Variants in MAP3K2 observed in about 807,000 individuals in gnomAD.
The protein encoded by MAP3K2 is mitogen-activated protein kinase kinase kinase 2.
In MAP3K2, 24 loss-of-function variants were observed where a neutral mutation model predicts 80.3. The ratio of observed to expected loss-of-function variants is 0.30; its 90% CI spans 0.22 to 0.42. MAP3K2 has a LOEUF of 0.42. Ranked by LOEUF, MAP3K2 falls within the 10% of genes least tolerant of loss-of-function variation. MAP3K2 has a pLI of 1.00. For missense variants in MAP3K2, 608 were observed against 750.1 expected (o/e 0.81, Z 2.21); for synonymous variants, 244 against 253.7 (o/e 0.96, Z 0.36).
At chr2:127,350,493 C>G (rs1686674097) in intron 1 of MAP3K2, among the ~76,000 whole-genome samples, 2 of 147,890 alleles carry the variant, frequency 1.4e-5, no homozygotes, top group Non-Finnish European at 1.5e-5. Flanking sequence ...ACCATGAGTC[C>G]ATAAAAACAA....
intron 13 of MAP3K2, 71 bp from the exon 14 acceptor site, chr2:127,317,831 C>A: frequency 7.3e-7 from 1 of 1,374,648 alleles, no homozygotes; most frequent in Non-Finnish European, 9.9e-7. Context: ...CTTCATGGAC[C>A]ATCAAGGTGA....
At chr2:127,346,409 TTAAAAAA>T (rs1336090129) in intron 1 of MAP3K2, among the ~76,000 whole-genome samples, 1 of 85,312 alleles carries the variant, frequency 1.2e-5, no homozygotes, top group South Asian at 4.6e-4. Context: ...AAAACTGGTT[TTAAAAAA>T]AAAAAAAAAA....
intron 1 of MAP3K2, among the ~76,000 whole-genome samples, chr2:127,384,811 C>T (rs1305178156): frequency 6.6e-6 from 1 of 152,008 alleles, no homozygotes; most frequent in Admixed American, 6.6e-5. Context: ...CGGCTAACCT[C>T]TATATTTTTT....
intron 1 of MAP3K2, among the ~76,000 whole-genome samples, chr2:127,382,360 G>A (rs1208944530): frequency 6.6e-6 from 1 of 151,944 alleles, no homozygotes; most frequent in Non-Finnish European, 1.5e-5. Context: ...TCATTTTATT[G>A]AGCTTCATTT....
At position 127,367,654 on chromosome 2, in the gene MAP3K2, G is replaced by A. The variant is rs376080687; in HGVS notation, c.-66+19798C>T. ...CTAAAAATGCAAAAATTAGCCAGGC[G>A]TGGTGGCACATGCCTGTAATCCCAG... On this transcript the variant is annotated intron_variant, in intron 1 of 16. Transcript: ENST00000682094. Among the ~76,000 whole-genome samples the A allele has an allele frequency of 2.0e-3, 300 of 152,178 alleles. 2 individuals carry two copies. Among genetic ancestry groups the A allele is most frequent in the African/African-American group, 7.1e-3 (293 of 41,522 alleles).
At chr2:127,388,174 C>T (rs1043701993), upstream of MAP3K2, 22 of 984,856 alleles carry the variant, frequency 2.2e-5, no homozygotes, top group African/African-American at 3.5e-5. Context: ...CCTGGCTCCG[C>T]CCCGGCCTCG....
In MAP3K2 at chr2:127,371,482, A is replaced by G. The variant is rs554742640; in HGVS notation, c.-66+15970T>C. Among the ~76,000 whole-genome samples, 16 of 152,330 alleles carry G rather than the reference A, an allele frequency of 1.1e-4. No homozygotes were observed. The South Asian group carries it at 3.3e-3, about 32-fold the overall frequency. On this transcript the variant is annotated intron_variant, in intron 1 of 16. Coordinates refer to ENST00000682094, the MANE Select transcript of MAP3K2 (RefSeq NM_001371910.2). ...TCAGGAGCCATTTGTTGAATTTATC[A>G]ATCGTTTAACCCAGGCAATTAAGAG...
chr2:127,344,142 C>A, intron 1 of MAP3K2, among the ~76,000 whole-genome samples: 1 of 152,144 alleles, frequency 6.6e-6, no homozygotes, highest in Non-Finnish European at 1.5e-5. Context: ...CAACATGACA[C>A]TATGAATGGA....
At chr2:127,376,172 G>A (rs920339478) in intron 1 of MAP3K2, among the ~76,000 whole-genome samples, 19 of 152,172 alleles carry the variant, frequency 1.2e-4, no homozygotes, top group African/African-American at 4.6e-4. Flanking sequence ...AAAAGATTTG[G>A]CTGAAGGCAG....
rs1685838939 is a variant in MAP3K2 at position 127,313,092 on chromosome 2, C to G, written c.1456+1662G>C. 3.3e-5 allele frequency among the ~76,000 whole-genome samples: 5 copies of G among 152,140 alleles called. No individual in the cohort carries two copies. In the South Asian group the frequency reaches 1.0e-3, roughly 32 times the overall value. On this transcript the variant is annotated intron_variant, in intron 15 of 16. Transcript: ENST00000682094. The stretch of plus-strand genomic sequence containing the variant: ...ACAAACTTAAGATCATATTGCACAT[C>G]CAATTTTATATTTTACATTTATTCT...
In MAP3K2 at chr2:127,304,274, T is replaced by C. The variant is rs1415790523; in HGVS notation, c.*3305A>G. The C allele has an allele frequency of 6.6e-6, 1 of 152,178 alleles. No homozygotes were observed. The highest frequency in any genetic ancestry group is 1.5e-5 in the Non-Finnish European group (1 of 68,014). 9.4% of individuals were successfully genotyped at this position (152,178 alleles called of 1,614,324 possible). A position where few individuals can be genotyped will look rare whatever the true frequency, so the allele number is the denominator to read the frequency against. ...AAGATATTCATACTGAAATTTTCAGTCTGTATACTTTCAAATACATTTTAA... is the reference window on the plus strand; with the variant it reads ...AAGATATTCATACTGAAATTTTCAGCCTGTATACTTTCAAATACATTTTAA... On this transcript the variant is annotated 3_prime_UTR_variant, in exon 17 of 17. Coordinates refer to ENST00000682094, the MANE Select transcript of MAP3K2 (RefSeq NM_001371910.2).
Position 127,364,298 on chromosome 2 carries a change from CAA to C in MAP3K2, c.-65-21106_-65-21105del, listed in dbSNP as rs1686935941. Among the ~76,000 whole-genome samples, 1 of 152,100 alleles carries C rather than the reference CAA, an allele frequency of 6.6e-6. No homozygotes were observed. Among genetic ancestry groups the C allele is most frequent in the Admixed American group, 6.6e-5 (1 of 15,260 alleles). ...GAAGCAAATAGATAATCAAAAAAAGCAAAGAGTAGGAGTCAATAGGTTCTGAG... is the reference window on the plus strand; with the variant it reads ...GAAGCAAATAGATAATCAAAAAAAGCAGAGTAGGAGTCAATAGGTTCTGAG... On this transcript the variant is annotated intron_variant, in intron 1 of 16. Transcript: ENST00000682094. The surrounding 1 kb of genome is among the most constrained non-coding windows in gnomAD (Gnocchi z 4.1).
In MAP3K2 at chr2:127,387,538, T is replaced by G. The variant is rs1317477726; in HGVS notation, c.-152A>C. On this transcript the variant is annotated 5_prime_UTR_variant, in exon 1 of 17. Transcript: ENST00000682094. Reference sequence around the variant, plus strand: ...CGCCCCTCCGCCCCAGCGCGGCCTGTCACCGCGGCCCCAGGTCGGGGGCTG... The same window carrying G: ...CGCCCCTCCGCCCCAGCGCGGCCTGGCACCGCGGCCCCAGGTCGGGGGCTG... 1 of 984,658 alleles carries G rather than the reference T, an allele frequency of 1.0e-6. No individual in the cohort carries two copies. The highest frequency in any genetic ancestry group is 1.2e-6 in the Non-Finnish European group (1 of 829,678). The allele number at this position is 984,658 out of a possible 1,614,324, so 61.0% of individuals were successfully genotyped here.
rs927879153 is a variant in MAP3K2 at position 127,387,520 on chromosome 2, C to CCGCCCCAG, written c.-142_-135dup. 1 of 984,952 alleles carries CCGCCCCAG rather than the reference C, an allele frequency of 1.0e-6. No homozygotes were observed. The highest frequency in any genetic ancestry group is 1.7e-5 in the African/African-American group (1 of 57,186). 61.0% of individuals were successfully genotyped at this position (984,952 alleles called of 1,614,324 possible). A position where few individuals can be genotyped will look rare whatever the true frequency, so the allele number is the denominator to read the frequency against. On this transcript the variant is annotated 5_prime_UTR_variant, in exon 1 of 17. Transcript: ENST00000682094. ...GGCCGCCCCCGCCGAGCCCGCCCCT[C>CCGCCCCAG]CGCCCCAGCGCGGCCTGTCACCGCG...
At chr2:127,382,694 T>G (rs1687266624) in intron 1 of MAP3K2, among the ~76,000 whole-genome samples, 1 of 152,102 alleles carries the variant, frequency 6.6e-6, no homozygotes, top group Non-Finnish European at 1.5e-5. Flanking sequence ...TCCCACTAAT[T>G]TTTGTATTTT....
At chr2:127,334,043 T>A (rs1353239097) in intron 5 of MAP3K2, among the ~76,000 whole-genome samples, 1 of 152,088 alleles carries the variant, frequency 6.6e-6, no homozygotes, top group Non-Finnish European at 1.5e-5. Context: ...AAGGTTGCAG[T>A]GAGGTGAGAT....
In MAP3K2 at chr2:127,339,883, G is replaced by C. The variant is rs1686443681; in HGVS notation, c.5-833C>G. Among the ~76,000 whole-genome samples, 1 of 152,102 alleles carries C rather than the reference G, an allele frequency of 6.6e-6. No individual in the cohort carries two copies. Among genetic ancestry groups the C allele is most frequent in the Non-Finnish European group, 1.5e-5 (1 of 68,012 alleles). On this transcript the variant is annotated intron_variant, in intron 2 of 16. Transcript: ENST00000682094. This position sits in a 1 kb window ranked among gnomAD's most constrained non-coding sequence, Gnocchi z 4.2. ...CAAATGATAAATAAAGGAATCAAGAGACTTTACACTTTACATTTTAAAATG... is the reference window on the plus strand; with the variant it reads ...CAAATGATAAATAAAGGAATCAAGACACTTTACACTTTACATTTTAAAATG...
intron 1 of MAP3K2, among the ~76,000 whole-genome samples, chr2:127,373,730 T>C (rs1574007429): frequency 6.6e-6 from 1 of 152,212 alleles, no homozygotes; most frequent in Non-Finnish European, 1.5e-5. Flanking sequence ...AATGGGTTTT[T>C]TGCTCACATA....
chr2:127,361,331 A>AAAG lies in MAP3K2; in HGVS notation c.-65-18138_-65-18137insCTT, dbSNP rs1553518709. ...CTGTCTCAAAAAAAAAAAAAAAAAAAAAATTAAAAGGGAATTTAAAAAGTG... is the reference window on the plus strand; with the variant it reads ...CTGTCTCAAAAAAAAAAAAAAAAAAAAAGAAATTAAAAGGGAATTTAAAAAGTG... On this transcript the variant is annotated intron_variant, in intron 1 of 16. Transcript: ENST00000682094. Among the ~76,000 whole-genome samples the AAAG allele has an allele frequency of 1.5e-4, 22 of 149,910 alleles. 1 individual carries two copies. The highest frequency in any genetic ancestry group is 2.0e-4 in the Admixed American group (3 of 14,954).
Sources: allele counts gnomAD v4.1 joint callset (sites outside exome capture counted in the v4.1 genomes callset), GRCh38; gene constraint gnomAD v4.1.1; non-coding constraint Gnocchi (gnomAD v3.1); transcripts MANE v1.5; gene names NCBI Gene and HGNC (gene_info 2026-07-23, HGNC 2026-07-21).